CCDC171: variants seen among roughly 807,000 people sequenced by gnomAD.
CCDC171 encodes the protein coiled-coil domain-containing protein 171.
A neutral mutation model predicts 168.2 loss-of-function variants in CCDC171; 177 were observed. That is an observed-to-expected ratio of 1.05 (90% confidence interval 0.93 to 1.19). The LOEUF (loss-of-function observed/expected upper bound fraction) is 1.19. Ranked by LOEUF, CCDC171 falls within the 50% of genes most tolerant of loss-of-function variation. The probability of loss-of-function intolerance (pLI) is 0.00; values close to 1 mark genes in which losing one functional copy is unlikely to be tolerated. For missense variants in CCDC171, 1,991 were observed against 1,539.0 expected, an observed-to-expected ratio of 1.29 and a Z score of -4.91; for synonymous variants, 687 against 540.8, an observed-to-expected ratio of 1.27 and a Z score of -3.75.
At chr9:15,826,510 T>C (rs962465669) in intron 21 of CCDC171, among the ~76,000 whole-genome samples, 5 of 152,176 alleles carry the variant, frequency 3.3e-5, no homozygotes, top group African/African-American at 9.7e-5. Flanking sequence ...TGAGACTATG[T>C]CATAAAGACA....
chr9:16,019,770 G>T (rs1368026211), intron 3 of CCDC171, among the ~76,000 whole-genome samples: 1 of 152,136 alleles, frequency 6.6e-6, no homozygotes, highest in Admixed American at 6.6e-5. Context: ...ACTGAATCAG[G>T]TCATTAATCA....
chr9:15,743,282 C>T (rs887100080), intron 16 of CCDC171, among the ~76,000 whole-genome samples: 1 of 151,482 alleles, frequency 6.6e-6, no homozygotes, highest in Admixed American at 6.6e-5. Context: ...TCTCTGACCT[C>T]AGCCTCCCGA....
intron 1 of CCDC171, among the ~76,000 whole-genome samples, chr9:16,049,097 T>G (rs1833711471): frequency 6.6e-6 from 1 of 152,170 alleles, no homozygotes; most frequent in Admixed American, 6.5e-5. Flanking sequence ...TCCCAACAGA[T>G]TAAAATCCTG....
chr9:15,590,956 C>T, intron 4 of CCDC171, among the ~76,000 whole-genome samples: 1 of 151,644 alleles, frequency 6.6e-6, no homozygotes, highest in East Asian at 1.9e-4. Context: ...CTCAAGTGAT[C>T]CTCCCGCCTC....
chr9:15,794,677 T>A (rs768685063), intron 21 of CCDC171, among the ~76,000 whole-genome samples: 1 of 152,120 alleles, frequency 6.6e-6, no homozygotes, highest in African/African-American at 2.4e-5. Context: ...TTATAAAAAA[T>A]AAAACCAAAG....
intron 21 of CCDC171, among the ~76,000 whole-genome samples, chr9:15,815,243 G>C (rs1477634750): frequency 6.6e-6 from 1 of 151,956 alleles, no homozygotes; most frequent in Non-Finnish European, 1.5e-5. Flanking sequence ...ATCATTCCTT[G>C]CCTTTCTGTA....
chr9:16,031,889 C>T (rs1303858914), intron 6 of CCDC171, among the ~76,000 whole-genome samples: 1 of 152,186 alleles, frequency 6.6e-6, no homozygotes, highest in Non-Finnish European at 1.5e-5. Flanking sequence ...CAGGATCCAG[C>T]TGTACAGGCA....
intron 1 of CCDC171, among the ~76,000 whole-genome samples, chr9:16,059,535 T>C (rs1322432210): frequency 1.5e-5 from 2 of 129,654 alleles, no homozygotes; most frequent in Non-Finnish European, 3.1e-5. Flanking sequence ...TGAGACGGAG[T>C]CTCGCTCTGT....
At chr9:15,796,615 C>A (rs1314102826) in intron 21 of CCDC171, among the ~76,000 whole-genome samples, 1 of 152,212 alleles carries the variant, frequency 6.6e-6, no homozygotes, top group Non-Finnish European at 1.5e-5. Flanking sequence ...ACTACCACTA[C>A]AGCAGTCTGA....
At chr9:16,019,803 T>C (rs1233574437) in intron 3 of CCDC171, among the ~76,000 whole-genome samples, 1 of 152,226 alleles carries the variant, frequency 6.6e-6, no homozygotes, top group East Asian at 1.9e-4. Flanking sequence ...GAATTCATTC[T>C]CTTGGTTCTG....
Position 15,907,404 on chromosome 9 carries a change from G to T in CCDC171, c.3601-12866G>T, listed in dbSNP as rs745946107. On this transcript the variant is annotated intron_variant, in intron 24 of 25. Transcript: ENST00000380701. ...ACAAACCTGACAAAAACAAGAAATG[G>T]GGAAACGATTCCCTATTTAATAAAT... Among the ~76,000 whole-genome samples, 194 of 152,258 alleles carry T rather than the reference G, an allele frequency of 1.3e-3. 1 individual carries two copies. Among genetic ancestry groups the T allele is most frequent in the Non-Finnish European group, 2.4e-3 (163 of 68,032 alleles).
chr9:15,876,816 A>G (rs761692610), intron 24 of CCDC171, among the ~76,000 whole-genome samples: 11 of 152,004 alleles, frequency 7.2e-5, no homozygotes, highest in African/African-American at 9.7e-5. Context: ...TAGTTGTTTA[A>G]CTTTGTACTC....
intron 21 of CCDC171, among the ~76,000 whole-genome samples, chr9:15,817,083 A>G (rs78413934): frequency 0.03 from 3,526 of 117,424 alleles, 1,082 homozygotes; most frequent in African/African-American, 0.11. Flanking sequence ...AGGATGTGTA[A>G]GCGCACTTGT....
At chr9:16,033,279 G>C (rs1294796431) in intron 6 of CCDC171, among the ~76,000 whole-genome samples, 1 of 152,210 alleles carries the variant, frequency 6.6e-6, no homozygotes, top group African/African-American at 2.4e-5. Context: ...TCCGTGGCCC[G>C]TTAGGAAATG....
intron 3 of CCDC171, among the ~76,000 whole-genome samples, chr9:15,992,055 A>G (rs1223085099): frequency 6.6e-6 from 1 of 152,192 alleles, no homozygotes; most frequent in South Asian, 2.1e-4. Flanking sequence ...TAGAAAAAGA[A>G]GGAATCCTCC....
chr9:15,830,963 T>C (rs1388199435), intron 21 of CCDC171, among the ~76,000 whole-genome samples: 1 of 133,116 alleles, frequency 7.5e-6, no homozygotes, highest in Non-Finnish European at 1.6e-5. Flanking sequence ...TATGGCCATA[T>C]CTTAATTTTT....
the CCDC171 span, among the ~76,000 whole-genome samples, chr9:16,102,488 T>TGGGGGGGGGGGG: frequency 6.0e-5 from 3 of 50,080 alleles, no homozygotes; most frequent in Admixed American, 3.0e-4. Flanking sequence ...AAACGTGTGT[T>TGGGGGGGGGGGG]GGGGGGGGGC....
Position 15,818,804 on chromosome 9 carries a change from C to G in CCDC171, c.3268-27898C>G, listed in dbSNP as rs1169617613. ...ATCTAGGAGAACTTCCCCAATCTAG[C>G]AAGGCAGGCCAACATTCAAATTCAG... On this transcript the variant is annotated intron_variant, in intron 21 of 25. Transcript: ENST00000380701. Among the ~76,000 whole-genome samples, 16 of 117,192 alleles carry G rather than the reference C, an allele frequency of 1.4e-4. 5 individuals are homozygous for G. The South Asian group carries it at 3.6e-3, about 26-fold the overall frequency. The allele number at this position is 117,192 out of a possible 152,430, so 76.9% of individuals were successfully genotyped here.
At chr9:15,691,541 GTT>G (rs374022139) in intron 10 of CCDC171, among the ~76,000 whole-genome samples, 2,536 of 114,286 alleles carry the variant, frequency 0.022, 97 homozygotes, top group Middle Eastern at 0.068. Flanking sequence ...GTAAATATAT[GTT>G]TTTTATATAT....
Sources: allele counts gnomAD v4.1 joint callset (sites outside exome capture counted in the v4.1 genomes callset), GRCh38; gene constraint gnomAD v4.1.1; transcripts MANE v1.5; gene names NCBI Gene and HGNC (gene_info 2026-07-23, HGNC 2026-07-21).